Variants in RBBP8 observed in about 807,000 individuals in gnomAD.
RBBP8 encodes the protein DNA endonuclease RBBP8.
In RBBP8, 88 loss-of-function variants were observed where a neutral mutation model predicts 108.3. That is an observed-to-expected ratio of 0.81 (90% CI 0.68 to 0.97). RBBP8 has a LOEUF of 0.97. Ranked by LOEUF, RBBP8 falls within the 50% of genes least tolerant of loss-of-function variation. The pLI is 0.00. For synonymous variants in RBBP8, 332 were observed against 348.2 expected, an observed-to-expected ratio of 0.95 and a Z score of 0.52; for missense variants, 1,023 against 1,049.0, an observed-to-expected ratio of 0.98 and a Z score of 0.34.
In RBBP8 at chr18:22,975,181, A is replaced by G; in HGVS notation, c.390A>G (p.Glu130=). The change falls in exon 6 of 19, where the codon GAA becomes GAG. Residue 130 remains glutamate (E), a synonymous_variant. Coordinates refer to ENST00000327155, the MANE Select transcript of RBBP8 (RefSeq NM_002894.3). ...ATGAAAGGAATACTCTACAGGAAGA[A>G]AATAAAAAGCTTTCTGAACAACTCC... The part of the protein sequence containing the change: ...LMNERNTLQE[E]NKKLSEQLQQ... The G allele has an allele frequency of 1.2e-6, 2 of 1,612,744 alleles. No homozygotes were observed. The highest frequency in any genetic ancestry group is 1.7e-6 in the Non-Finnish European group (2 of 1,179,332).
chr18:23,021,756 A>G (rs1473781144), intron 17 of RBBP8, among the ~76,000 whole-genome samples: 2 of 152,084 alleles, frequency 1.3e-5, no homozygotes, highest in Admixed American at 6.5e-5. Context: ...CCTAATAAGG[A>G]TAAAGACTTT....
At chr18:22,946,924 T>C (rs1911613841) in intron 3 of RBBP8, among the ~76,000 whole-genome samples, 1 of 152,132 alleles carries the variant, frequency 6.6e-6, no homozygotes, top group South Asian at 2.1e-4. Context: ...AATGGGTATT[T>C]TAAGACTCCT....
chr18:23,018,146 G>C (rs576464118), intron 17 of RBBP8, among the ~76,000 whole-genome samples: 2 of 151,838 alleles, frequency 1.3e-5, no homozygotes, highest in East Asian at 3.9e-4. Flanking sequence ...CCATTTCCCG[G>C]GTTCAGACGA....
intron 18 of RBBP8, among the ~76,000 whole-genome samples, chr18:23,024,033 C>G (rs1247861792): frequency 7.1e-6 from 1 of 141,386 alleles, no homozygotes; most frequent in African/African-American, 2.6e-5. Context: ...GCCACCATAC[C>G]CAGCCTATTT....
At position 22,916,708 on chromosome 18, in the gene RBBP8, A is replaced by G. The variant is rs112574535; in HGVS notation, c.-239-233A>G. Among the ~76,000 whole-genome samples, 52 of 152,202 alleles carry G rather than the reference A, an allele frequency of 3.4e-4. 2 individuals carry two copies. The highest frequency in any genetic ancestry group is 2.1e-3 in the South Asian group (10 of 4,828). On this transcript the variant is annotated intron_variant, in intron 2 of 4. Transcript: ENST00000577588. Reference sequence around the variant, plus strand: ...AAAGGTGACTACCACTTCAAACCCCAATCTCTTAATGCCATCATATTATTT... The same window carrying G: ...AAAGGTGACTACCACTTCAAACCCCGATCTCTTAATGCCATCATATTATTT...
intron 16 of RBBP8, among the ~76,000 whole-genome samples, chr18:23,015,121 G>C (rs966042165): frequency 6.6e-6 from 1 of 151,958 alleles, no homozygotes; most frequent in African/African-American, 2.4e-5. Flanking sequence ...CAAACCCCTG[G>C]TGTTGGTCTC....
Position 23,026,413 on chromosome 18 carries a change from C to A in RBBP8, c.*173C>A. 1 of 609,312 alleles carries A rather than the reference C, an allele frequency of 1.6e-6. No homozygotes were observed. The highest frequency in any genetic ancestry group is 2.9e-6 in the Non-Finnish European group (1 of 342,320). 37.7% of individuals were successfully genotyped at this position (609,312 alleles called of 1,614,324 possible). On this transcript the variant is annotated 3_prime_UTR_variant, in exon 19 of 19. Transcript: ENST00000327155. ...CTTTTGCACCTTTAAAACAATAAGG[C>A]GCTTTCATTTTGCACTCTAACTTAA...
At chr18:23,017,074 G>C in intron 17 of RBBP8, 150 bp downstream of exon 17, 1 of 697,856 alleles carries the variant, frequency 1.4e-6, no homozygotes, top group Non-Finnish European at 2.5e-6. Context: ...AGTATTCTGG[G>C]TCGGGTGCGG....
intron 4 of RBBP8, among the ~76,000 whole-genome samples, chr18:22,954,253 G>A (rs1567957160): frequency 2.0e-5 from 3 of 152,180 alleles, no homozygotes; most frequent in South Asian, 2.1e-4. Context: ...TCTGAGACAA[G>A]GCAAGTTCCT....
At chr18:22,985,381 G>A (rs1451134406) in intron 8 of RBBP8, among the ~76,000 whole-genome samples, 1 of 152,128 alleles carries the variant, frequency 6.6e-6, no homozygotes, top group Non-Finnish European at 1.5e-5. Context: ...AAGTAAAGCA[G>A]GGTAAGAAGG....
intron 3 of RBBP8, among the ~76,000 whole-genome samples, chr18:22,947,438 T>G (rs1026229450): frequency 6.6e-6 from 1 of 151,952 alleles, no homozygotes; most frequent in Non-Finnish European, 1.5e-5. Flanking sequence ...TGCATAGGTA[T>G]GTAAAAGAGA....
chr18:22,932,060 G>A (rs7239066), upstream of RBBP8, among the ~76,000 whole-genome samples: 25,560 of 152,044 alleles, frequency 0.17, 2,712 homozygotes, highest in African/African-American at 0.31. Flanking sequence ...ATTGGACTGC[G>A]TGATGGCTTG....
intron 14 of RBBP8, among the ~76,000 whole-genome samples, chr18:23,000,112 A>G (rs1337007561): frequency 6.6e-6 from 1 of 152,228 alleles, no homozygotes; most frequent in African/African-American, 2.4e-5. Flanking sequence ...CATTCTAATG[A>G]GAGAAATAAG....
intron 16 of RBBP8, among the ~76,000 whole-genome samples, chr18:23,010,909 C>T (rs2046147535): frequency 6.6e-6 from 1 of 152,142 alleles, no homozygotes; most frequent in Non-Finnish European, 1.5e-5. Flanking sequence ...TTCCCTACGT[C>T]ACGATAAGAC....
intron 5 of RBBP8, among the ~76,000 whole-genome samples, chr18:22,969,321 T>G (rs1390689256): frequency 6.6e-6 from 1 of 152,144 alleles, no homozygotes; most frequent in African/African-American, 2.4e-5. Flanking sequence ...GACATACTGT[T>G]TTCATAAGTA....
At chr18:22,946,224 T>C (rs1911545164) in intron 2 of RBBP8, 1 of 496,854 alleles carries the variant, frequency 2.0e-6, no homozygotes, top group Admixed American at 3.6e-5. Flanking sequence ...TTACTTTAGA[T>C]GGGGAAAATG....
upstream of RBBP8, chr18:22,929,328 G>A (rs1909905666): frequency 6.6e-6 from 1 of 151,874 alleles, no homozygotes; most frequent in Admixed American, 6.6e-5. Context: ...TGCTGTTGGA[G>A]AATATACTGT....
chr18:22,968,990 T>C, intron 5 of RBBP8, 72 bp downstream of exon 5: 2 of 1,177,068 alleles, frequency 1.7e-6, no homozygotes, highest in Non-Finnish European at 2.5e-6. Flanking sequence ...AGTAAATTGG[T>C]TGTAATTAAA....
intron 15 of RBBP8, among the ~76,000 whole-genome samples, chr18:23,006,158 C>T (rs1474525390): frequency 6.6e-6 from 1 of 151,214 alleles, no homozygotes; most frequent in Non-Finnish European, 1.5e-5. Context: ...TGCACTCCAG[C>T]CTAAGCAACA....
Sources: gnomAD v4.1 joint callset for allele counts (sites outside exome capture counted in the v4.1 genomes callset) on GRCh38, gnomAD v4.1.1 for gene constraint, MANE v1.5 for transcripts, NCBI Gene and HGNC (gene_info 2026-07-23, HGNC 2026-07-21) for gene names.